Variants in RAF1 observed in about 807,000 individuals in gnomAD.
RAF1 encodes the protein RAF proto-oncogene serine/threonine-protein kinase.
RAF1 carries 27 observed loss-of-function variants against 81.1 expected under a neutral mutation model. The observed-to-expected ratio is 0.33, with a 90% CI of 0.25 to 0.46. The LOEUF (loss-of-function observed/expected upper bound fraction) is 0.46, where lower values mean the gene tolerates loss of function less well. Ranked by LOEUF, RAF1 falls within the 20% of genes least tolerant of loss-of-function variation. The probability of loss-of-function intolerance (pLI) is 1.00; values close to 1 mark genes in which losing one functional copy is unlikely to be tolerated. For missense variants in RAF1, 598 were observed against 826.0 expected (o/e 0.72, Z 3.38); for synonymous variants, 298 against 294.0 (o/e 1.01, Z -0.14).
intron 2 of RAF1, among the ~76,000 whole-genome samples, chr3:12,616,534 AAACTT>A (rs1467946666): frequency 6.6e-6 from 1 of 152,232 alleles, no homozygotes; most frequent in Non-Finnish European, 1.5e-5. Context: ...AGACAAAGAT[AAACTT>A]ACTCAAACTT....
intron 3 of RAF1, 106 bp from the exon 4 acceptor site, chr3:12,609,441 T>C: frequency 1.3e-6 from 1 of 743,796 alleles, no homozygotes; most frequent in East Asian, 2.6e-5. Context: ...CAACTTTATT[T>C]AATCCATACA....
In RAF1 at chr3:12,591,751, G is replaced by C. The variant is rs140788943; in HGVS notation, c.1210C>G (p.Pro404Ala). 10 of 1,614,030 alleles carry C rather than the reference G, an allele frequency of 6.2e-6. No homozygotes were observed. Among genetic ancestry groups the C allele is most frequent in the African/African-American group, 4.0e-5 (3 of 74,906 alleles). The change falls in exon 12 of 18, where the codon CCA becomes GCA. Residue 404 changes from proline (P) to alanine (A), a missense_variant. Physicochemically the swap from Pro to Ala is conservative, Grantham distance 27 (BLOSUM62 -1). This residue lies in a region of RAF1 where 85 missense variants were observed against 185.6 expected (regional missense o/e 0.46). Coordinates refer to ENST00000442415, the MANE Select transcript of RAF1 (RefSeq NM_001354689.3). ...TTCCTGAAGGCCTGGAATTGCTCTG[G>C]GGTTGGGTCGACAACCTTTAGGATC... is the stretch of plus-strand genomic sequence containing the variant.
At chr3:12,655,006 C>G (rs544638687) in intron 1 of RAF1, among the ~76,000 whole-genome samples, 1 of 142,130 alleles carries the variant, frequency 7.0e-6, no homozygotes, top group African/African-American at 2.5e-5. Flanking sequence ...TGAGACCCCC[C>G]CCCCGCCATC....
intron 3 of RAF1, among the ~76,000 whole-genome samples, chr3:12,611,717 A>G (rs1311899807): frequency 6.6e-6 from 1 of 152,168 alleles, no homozygotes; most frequent in Non-Finnish European, 1.5e-5. Context: ...AAAAAAAATT[A>G]CAGGTATTGG....
chr3:12,606,130 T>A lies in RAF1; in HGVS notation c.680+71A>T, dbSNP rs935528852. 8 of 1,165,902 alleles carry A rather than the reference T, an allele frequency of 6.9e-6. No homozygotes were observed. In the African/African-American group the frequency reaches 1.1e-4, roughly 16 times the overall value. 72.2% of individuals were successfully genotyped at this position (1,165,902 alleles called of 1,614,324 possible). On this transcript the variant is annotated intron_variant, in intron 6 of 17. Coordinates refer to ENST00000442415, the MANE Select transcript of RAF1 (RefSeq NM_001354689.3). ...AGGGAATGCGAAGAAACTCTTATTT[T>A]TTGTCTTCAAGCTTCCAACCCCACC...
chr3:12,608,207 G>A (rs2125414575), intron 5 of RAF1, among the ~76,000 whole-genome samples: 1 of 152,236 alleles, frequency 6.6e-6, no homozygotes, highest in East Asian at 1.9e-4. Context: ...TACTTTTAAT[G>A]TAAACTTTAA....
At chr3:12,629,519 CT>C (rs1269236523) in intron 1 of RAF1, among the ~76,000 whole-genome samples, 1 of 152,138 alleles carries the variant, frequency 6.6e-6, no homozygotes, top group Non-Finnish European at 1.5e-5. Flanking sequence ...CAACAACCCC[CT>C]ATAAGAGAAA....
intron 8 of RAF1, among the ~76,000 whole-genome samples, chr3:12,602,741 T>TA (rs1254311808): frequency 6.6e-6 from 1 of 152,198 alleles, no homozygotes; most frequent in African/African-American, 2.4e-5. Flanking sequence ...GTCAAAATAA[T>TA]AAAATTTATA....
At chr3:12,627,021 CAAAAAAA>C (rs34692000) in intron 1 of RAF1, among the ~76,000 whole-genome samples, 2 of 77,024 alleles carry the variant, frequency 2.6e-5, no homozygotes, top group South Asian at 5.1e-4. Context: ...GACTCTGTCT[CAAAAAAA>C]AAAAAAAAAA....
intron 1 of RAF1, among the ~76,000 whole-genome samples, chr3:12,640,806 G>A (rs1308029688): frequency 3.3e-5 from 5 of 152,090 alleles, no homozygotes; most frequent in East Asian, 1.9e-4. Flanking sequence ...TCAGTGTGGC[G>A]ATTCCTCAAG....
At chr3:12,661,472 C>T (rs1207247918) in intron 1 of RAF1, among the ~76,000 whole-genome samples, 2 of 151,550 alleles carry the variant, frequency 1.3e-5, no homozygotes, top group Non-Finnish European at 2.9e-5. Context: ...CGTGGGAGGC[C>T]GAGGTGGGCA....
chr3:12,658,009 G>C (rs1327511350), intron 1 of RAF1, among the ~76,000 whole-genome samples: 1 of 152,100 alleles, frequency 6.6e-6, no homozygotes, highest in Non-Finnish European at 1.5e-5. Flanking sequence ...TTCAATATGT[G>C]GTCTTTCCTG....
chr3:12,643,171 A>AAT (rs1340708464), intron 1 of RAF1, among the ~76,000 whole-genome samples: 3 of 152,202 alleles, frequency 2.0e-5, no homozygotes, highest in Admixed American at 6.5e-5. Context: ...ATAAAAGCAC[A>AAT]ATATCTACCA....
chr3:12,653,309 T>C (rs897140446), intron 1 of RAF1, among the ~76,000 whole-genome samples: 3 of 152,208 alleles, frequency 2.0e-5, no homozygotes, highest in African/African-American at 7.2e-5. Context: ...TTGTACAAAC[T>C]ATATTACTAC....
intron 14 of RAF1, chr3:12,586,727 C>T (rs2058345031): frequency 6.6e-6 from 1 of 152,216 alleles, no homozygotes; most frequent in Admixed American, 6.5e-5. Flanking sequence ...TCACGCCTCA[C>T]AGCATTAAAA....
chr3:12,627,281 C>T (rs1406560800), intron 1 of RAF1, among the ~76,000 whole-genome samples: 1 of 152,100 alleles, frequency 6.6e-6, no homozygotes, highest in Non-Finnish European at 1.5e-5. Flanking sequence ...TAGTCTAGTA[C>T]AGAAATTAGG....
At chr3:12,650,810 A>C (rs2060500656) in intron 1 of RAF1, among the ~76,000 whole-genome samples, 1 of 152,212 alleles carries the variant, frequency 6.6e-6, no homozygotes, top group South Asian at 2.1e-4. Flanking sequence ...AAAATATGAA[A>C]TTAAAGGTAG....
intron 1 of RAF1, among the ~76,000 whole-genome samples, chr3:12,662,543 T>C (rs2060913046): frequency 6.6e-6 from 1 of 152,036 alleles, no homozygotes; most frequent in Admixed American, 6.6e-5. Flanking sequence ...GTTCACTATC[T>C]ACAACAAAGA....
At chr3:12,633,946 A>C (rs534534023) in intron 1 of RAF1, among the ~76,000 whole-genome samples, 14 of 151,828 alleles carry the variant, frequency 9.2e-5, no homozygotes, top group African/African-American at 1.4e-4. Context: ...AAAAAAAAAA[A>C]AAAAACAAAA....
Sources: gnomAD v4.1 joint callset for allele counts (sites outside exome capture counted in the v4.1 genomes callset) on GRCh38, gnomAD v4.1.1 for gene constraint, gnomAD v4.1.1 regional missense constraint, MANE v1.5 for transcripts, NCBI Gene and HGNC (gene_info 2026-07-23, HGNC 2026-07-21) for gene names.